Variants in NRXN1 observed in about 807,000 individuals in gnomAD.
NRXN1 encodes the protein neurexin 1.
In NRXN1, 39 loss-of-function variants were observed where a neutral mutation model predicts 150.9. The observed-to-expected ratio is 0.26, with a 90% CI of 0.20 to 0.34. The LOEUF (loss-of-function observed/expected upper bound fraction) is 0.34. NRXN1 is among the 10% of genes least tolerant of loss of function. NRXN1 has a pLI of 1.00. For missense variants in NRXN1, 1,815 were observed against 1,949.9 expected (o/e 0.93, Z 1.30); for synonymous variants, 924 against 757.0 (o/e 1.22, Z -3.62).
rs201266858 is a variant in NRXN1 at position 50,232,391 on chromosome 2, T to TC, written c.3546+4397_3546+4398insG. Among the ~76,000 whole-genome samples the TC allele has an allele frequency of 4.4e-4, 63 of 143,974 alleles. 1 individual carries two copies. Among genetic ancestry groups the TC allele is most frequent in the African/African-American group, 1.6e-3 (61 of 38,020 alleles). 94.5% of individuals were successfully genotyped at this position (143,974 alleles called of 152,430 possible). A position where few individuals can be genotyped will look rare whatever the true frequency, so the allele number is the denominator to read the frequency against. ...TATTTTTCTTTCTTTTCTTTTCTTT[T>TC]TTTTTTTTTTTTTTGAGACGGAGTG... On this transcript the variant is annotated intron_variant, in intron 18 of 22. Transcript: ENST00000401669.
At chr2:50,485,013 A>G (rs945789798) in intron 15 of NRXN1, among the ~76,000 whole-genome samples, 4 of 152,208 alleles carry the variant, frequency 2.6e-5, no homozygotes, top group African/African-American at 9.6e-5. Context: ...ACTGCCGTAG[A>G]CCTGGGTTCA....
At chr2:50,730,765 C>T (rs577980129) in intron 5 of NRXN1, among the ~76,000 whole-genome samples, 1 of 150,960 alleles carries the variant, frequency 6.6e-6, no homozygotes, top group Non-Finnish European at 1.5e-5. Flanking sequence ...CTCCGCCTCC[C>T]GGGTTCACGC....
At chr2:50,177,194 C>T (rs2060406796) in intron 18 of NRXN1, among the ~76,000 whole-genome samples, 1 of 151,892 alleles carries the variant, frequency 6.6e-6, no homozygotes, top group Admixed American at 6.6e-5. Context: ...TCTTGTGCAC[C>T]CATCACCCAA....
At chr2:50,609,232 T>A (rs1003057704) in intron 8 of NRXN1, among the ~76,000 whole-genome samples, 1 of 152,176 alleles carries the variant, frequency 6.6e-6, no homozygotes, top group Non-Finnish European at 1.5e-5. Context: ...TAAATTCATC[T>A]GCAACCAGGA....
At chr2:50,651,650 CT>C (rs960569760) in intron 5 of NRXN1, among the ~76,000 whole-genome samples, 6 of 151,992 alleles carry the variant, frequency 3.9e-5, no homozygotes, top group African/African-American at 1.4e-4. Context: ...CAGTAAAACT[CT>C]ATCTCAAAAA....
chr2:50,774,502 T>A (rs762498231), intron 5 of NRXN1, among the ~76,000 whole-genome samples: 2 of 152,206 alleles, frequency 1.3e-5, no homozygotes, highest in Non-Finnish European at 2.9e-5. Context: ...TATTAGCTGA[T>A]TGTGAATCAC....
intron 17 of NRXN1, among the ~76,000 whole-genome samples, chr2:50,249,940 G>C (rs778057821): frequency 1.3e-5 from 2 of 151,962 alleles, no homozygotes; most frequent in African/African-American, 2.4e-5. Context: ...GCCTGGCCCA[G>C]ATTTCATTTT....
chr2:50,317,978 G>A (rs943929826), intron 17 of NRXN1, among the ~76,000 whole-genome samples: 1 of 151,512 alleles, frequency 6.6e-6, no homozygotes, highest in Admixed American at 6.6e-5. Context: ...AACTATAAAG[G>A]GAAATACTGA....
Position 49,928,855 on chromosome 2 carries a change from C to T in NRXN1, c.4217-6604G>A, listed in dbSNP as rs372478985. Among the ~76,000 whole-genome samples, 11 of 152,242 alleles carry T rather than the reference C, an allele frequency of 7.2e-5. No homozygotes were observed. In the East Asian group the frequency reaches 9.7e-4, roughly 13 times the overall value. On this transcript the variant is annotated intron_variant, in intron 22 of 22. Transcript: ENST00000401669. ...TTTCAAATTCCTTCCCTTCTCCCTC[C>T]CACCAATTCCACCCATGCCTGCACA...
intron 5 of NRXN1, among the ~76,000 whole-genome samples, chr2:50,747,167 T>G (rs1199241737): frequency 6.6e-6 from 1 of 152,104 alleles, no homozygotes; most frequent in Non-Finnish European, 1.5e-5. Context: ...ACGGGTCATT[T>G]AGGTTGCACA....
chr2:50,201,317 T>C (rs149704166), intron 18 of NRXN1, among the ~76,000 whole-genome samples: 1 of 152,264 alleles, frequency 6.6e-6, no homozygotes, highest in East Asian at 1.9e-4. Flanking sequence ...ACTAAGACCT[T>C]ACCTCAAAAT....
intron 19 of NRXN1, among the ~76,000 whole-genome samples, chr2:50,085,695 T>A (rs200865302): frequency 6.6e-6 from 1 of 151,462 alleles, no homozygotes. Flanking sequence ...AAATTATAAA[T>A]TCTATGGTTA....
intron 17 of NRXN1, among the ~76,000 whole-genome samples, chr2:50,258,458 A>C (rs2067934174): frequency 6.6e-6 from 1 of 152,032 alleles, no homozygotes. Context: ...GCAGCAATTC[A>C]GTCACATGTC....
chr2:50,968,982 A>G (rs1016752806), intron 2 of NRXN1, among the ~76,000 whole-genome samples: 2 of 152,012 alleles, frequency 1.3e-5, no homozygotes, highest in African/African-American at 4.8e-5. Context: ...CTGAAACTTC[A>G]TCTTCTTTTC....
At chr2:50,415,335 G>A (rs1370855637) in intron 17 of NRXN1, among the ~76,000 whole-genome samples, 1 of 152,034 alleles carries the variant, frequency 6.6e-6, no homozygotes, top group African/African-American at 2.4e-5. Flanking sequence ...GACACCAGAG[G>A]TTGCAGTGTA....
intron 18 of NRXN1, among the ~76,000 whole-genome samples, chr2:50,106,260 T>C (rs1558890223): frequency 6.6e-6 from 1 of 151,990 alleles, no homozygotes; most frequent in Non-Finnish European, 1.5e-5. Context: ...CATTTAATGA[T>C]AACTTTTAAT....
chr2:50,839,968 G>A (rs1000019279), intron 5 of NRXN1, among the ~76,000 whole-genome samples: 1 of 152,096 alleles, frequency 6.6e-6, no homozygotes, highest in African/African-American at 2.4e-5. Context: ...TTTCAGCATG[G>A]CTGAAAGCTT....
intron 21 of NRXN1, among the ~76,000 whole-genome samples, chr2:49,995,530 C>G (rs1682790264): frequency 6.6e-6 from 1 of 151,876 alleles, no homozygotes; most frequent in Non-Finnish European, 1.5e-5. Flanking sequence ...GCCTCTAATC[C>G]CAGCACTTTG....
intron 16 of NRXN1, chr2:50,466,605 G>A (rs2088889874): frequency 4.8e-6 from 2 of 417,832 alleles, no homozygotes; most frequent in Non-Finnish European, 4.7e-6. Flanking sequence ...TAAAGAGGGA[G>A]AAAAATGCTA....
Sources: allele counts gnomAD v4.1 joint callset (sites outside exome capture counted in the v4.1 genomes callset), GRCh38; gene constraint gnomAD v4.1.1; transcripts MANE v1.5; gene names NCBI Gene and HGNC (gene_info 2026-07-23, HGNC 2026-07-21).